Variants in NAV2 observed in about 807,000 individuals in gnomAD.
NAV2 encodes helicase, APC down-regulated 1.
NAV2 carries 54 observed loss-of-function variants against 223.2 expected under a neutral mutation model. The observed-to-expected ratio is 0.24, with a 90% CI of 0.19 to 0.30. The LOEUF is 0.30. Ranked by LOEUF, NAV2 falls within the 10% of genes least tolerant of loss-of-function variation. The pLI, the probability that NAV2 is intolerant of heterozygous loss-of-function variation, is 1.00. For missense variants in NAV2, 2,806 were observed against 3,147.5 expected (o/e 0.89, Z 2.60); for synonymous variants, 1,279 against 1,239.3 (o/e 1.03, Z -0.67).
chr11:19,420,686 T>A (rs1850575205), intron 1 of NAV2, among the ~76,000 whole-genome samples: 1 of 152,164 alleles, frequency 6.6e-6, no homozygotes, highest in African/African-American at 2.4e-5. Flanking sequence ...AAGTTCCAAA[T>A]AGGCAAAACC....
intron 3 of NAV2, among the ~76,000 whole-genome samples, chr11:19,863,178 G>A (rs1328743261): frequency 6.6e-6 from 1 of 152,192 alleles, no homozygotes; most frequent in Non-Finnish European, 1.5e-5. Flanking sequence ...AATGGGGCAG[G>A]TCGAGGTACT....
intron 1 of NAV2, among the ~76,000 whole-genome samples, chr11:19,557,791 G>A (rs2044950452): frequency 6.6e-6 from 1 of 152,228 alleles, no homozygotes; most frequent in African/African-American, 2.4e-5. Flanking sequence ...TGAAGGGATG[G>A]CAGATTCTCA....
chr11:19,925,292 A>AT (rs2044641087), intron 6 of NAV2, among the ~76,000 whole-genome samples: 1 of 152,046 alleles, frequency 6.6e-6, no homozygotes, highest in Non-Finnish European at 1.5e-5. Context: ...GAATCCAACT[A>AT]TTTTTTCTTT....
chr11:20,016,558 C>T (rs998904126), intron 11 of NAV2, among the ~76,000 whole-genome samples: 1 of 152,198 alleles, frequency 6.6e-6, no homozygotes, highest in African/African-American at 2.4e-5. Context: ...TGAAAGGCAG[C>T]TCATTCTGTT....
chr11:19,461,127 TGGA>T (rs981832566), intron 1 of NAV2, among the ~76,000 whole-genome samples: 3 of 152,182 alleles, frequency 2.0e-5, no homozygotes, highest in African/African-American at 7.2e-5. Flanking sequence ...GTCCCCTTAG[TGGA>T]GATCTGTTTT....
chr11:20,002,330 G>T (rs2052627080), intron 11 of NAV2, among the ~76,000 whole-genome samples: 1 of 152,128 alleles, frequency 6.6e-6, no homozygotes, highest in African/African-American at 2.4e-5. Flanking sequence ...AGGTGCTTTG[G>T]GGACACAGAG....
intron 1 of NAV2, among the ~76,000 whole-genome samples, chr11:19,420,830 GA>G (rs1850580751): frequency 6.6e-6 from 1 of 152,186 alleles, no homozygotes; most frequent in South Asian, 2.1e-4. Context: ...TTCAGTATTT[GA>G]AAATTCATTG....
At chr11:19,827,942 G>A (rs958914748) in intron 1 of NAV2, among the ~76,000 whole-genome samples, 8 of 151,214 alleles carry the variant, frequency 5.3e-5, no homozygotes, top group East Asian at 2.0e-4. Context: ...GTAGTAGAGC[G>A]GAATCCCGTC....
At chr11:19,669,717 TCCTATCCAGTAC>T (rs1293569796) in intron 1 of NAV2, among the ~76,000 whole-genome samples, 2 of 152,042 alleles carry the variant, frequency 1.3e-5, no homozygotes, top group Non-Finnish European at 2.9e-5. Flanking sequence ...GGTAAGAGGG[TCCTATCCAGTAC>T]CCTATCCAGT....
chr11:19,562,775 T>C (rs982337173), intron 1 of NAV2, among the ~76,000 whole-genome samples: 3 of 152,208 alleles, frequency 2.0e-5, no homozygotes, highest in Non-Finnish European at 1.5e-5. Flanking sequence ...GTTTTATGTC[T>C]CCTAGTCTAT....
intron 1 of NAV2, among the ~76,000 whole-genome samples, chr11:19,456,760 C>T (rs934612889): frequency 9.9e-5 from 15 of 152,232 alleles, no homozygotes; most frequent in African/African-American, 3.4e-4. Flanking sequence ...CCCCAGAGCT[C>T]ATGCTCTCTA....
chr11:19,384,018 T>C (rs1200852962), intron 1 of NAV2, among the ~76,000 whole-genome samples: 2 of 152,226 alleles, frequency 1.3e-5, no homozygotes, highest in Non-Finnish European at 2.9e-5. Context: ...AAATAAACCA[T>C]GGTGCATCTA....
intron 22 of NAV2, among the ~76,000 whole-genome samples, chr11:20,076,636 T>C (rs963588632): frequency 3.3e-5 from 5 of 152,180 alleles, no homozygotes; most frequent in Non-Finnish European, 7.3e-5. Context: ...ATATATCACC[T>C]ACTACTCTGC....
chr11:20,091,520 T>G (rs1248265783), intron 27 of NAV2, among the ~76,000 whole-genome samples: 1 of 152,220 alleles, frequency 6.6e-6, no homozygotes, highest in Non-Finnish European at 1.5e-5. Context: ...GGAGAGTTAG[T>G]ACCCTTATCT....
intron 1 of NAV2, among the ~76,000 whole-genome samples, chr11:19,609,903 A>G (rs2046590121): frequency 2.0e-5 from 3 of 152,202 alleles, no homozygotes; most frequent in South Asian, 4.1e-4. Context: ...ACCAGTAATA[A>G]CAGCTAACTA....
At chr11:19,949,211 A>T in intron 10 of NAV2, 131 bp downstream of exon 10, 1 of 1,018,828 alleles carries the variant, frequency 9.8e-7, no homozygotes, top group Non-Finnish European at 1.4e-6. Context: ...TGTCCATATC[A>T]AAGGCTGTGT....
intron 1 of NAV2, among the ~76,000 whole-genome samples, chr11:19,802,632 G>T (rs1419409340): frequency 6.6e-6 from 1 of 150,436 alleles, no homozygotes; most frequent in East Asian, 2.0e-4. Context: ...ATCACTTAAG[G>T]CCAGGAGTTT....
chr11:19,943,968 TG>T (rs1020980272), intron 8 of NAV2, among the ~76,000 whole-genome samples: 1 of 151,912 alleles, frequency 6.6e-6, no homozygotes, highest in African/African-American at 2.4e-5. Flanking sequence ...GAAGCCGAGG[TG>T]GGTGGATCAC....
chr11:19,453,852 A>C (rs1342730196), intron 1 of NAV2, among the ~76,000 whole-genome samples: 1 of 152,232 alleles, frequency 6.6e-6, no homozygotes, highest in Non-Finnish European at 1.5e-5. Context: ...GAAAGAGGCC[A>C]TCCAGAGCCA....
Sources: allele counts gnomAD v4.1 joint callset (sites outside exome capture counted in the v4.1 genomes callset), GRCh38; gene constraint gnomAD v4.1.1; transcripts MANE v1.5; gene names NCBI Gene and HGNC (gene_info 2026-07-23, HGNC 2026-07-21).